Variants in THNSL2 observed in about 807,000 individuals in gnomAD.
THNSL2 encodes threonine synthase-like 2.
Under a neutral mutation model 40.0 loss-of-function variants are expected in THNSL2, and 34 were observed. The observed-to-expected ratio is 0.85, with a 90% CI of 0.65 to 1.13. The LOEUF is 1.13. Ranked by LOEUF, THNSL2 falls within the 50% of genes most tolerant of loss-of-function variation. The pLI is 0.00. For missense variants in THNSL2, 537 were observed against 608.8 expected, an observed-to-expected ratio of 0.88 and a Z score of 1.24; for synonymous variants, 241 against 247.5, an observed-to-expected ratio of 0.97 and a Z score of 0.25.
At chr2:88,172,924 A>G (rs1448662831) in intron 1 of THNSL2, 2 of 376,314 alleles carry the variant, frequency 5.3e-6, no homozygotes, top group Non-Finnish European at 9.4e-6. Flanking sequence ...AGGTCAGTGG[A>G]ATTGCCTCAT....
intron 4 of THNSL2, 39 bp downstream of exon 4, chr2:88,175,440 C>T: frequency 1.2e-6 from 2 of 1,604,350 alleles, no homozygotes; most frequent in Non-Finnish European, 1.7e-6. Flanking sequence ...CAGTGCAGCC[C>T]TGCCTTAATT....
Position 88,173,253 on chromosome 2 carries a change from C to A in THNSL2, c.103C>A (p.Leu35Ile). 1 of 1,612,242 alleles carries A rather than the reference C, an allele frequency of 6.2e-7. No homozygotes were observed. Among genetic ancestry groups the A allele is most frequent in the Non-Finnish European group, 8.5e-7 (1 of 1,179,902 alleles). Residue 35 changes from leucine (L) to isoleucine (I), a missense_variant, in exon 2 of 9, where the codon CTC becomes ATC. Transcript: ENST00000674334. ...CGGGGGCCTCTTTATGCCTGAAGAG[C>A]TCCCACAGTTGGACAGAGGGACCCT... ...PDGGLFMPEE[L>I]PQLDRGTLCQ...
intron 5 of THNSL2, among the ~76,000 whole-genome samples, chr2:88,181,570 TTGCTGTGTGTGTGTG>T (rs1322957761): frequency 7.7e-6 from 1 of 130,316 alleles, no homozygotes; most frequent in Admixed American, 8.6e-5. Flanking sequence ...CCTCTCTCTC[TTGCTGTGTGTGTGTG>T]TGTGTGTGTC....
At chr2:88,173,611 T>C (rs1223526051) in intron 2 of THNSL2, among the ~76,000 whole-genome samples, 1 of 149,830 alleles carries the variant, frequency 6.7e-6, no homozygotes, top group Non-Finnish European at 1.5e-5. Context: ...TCTCTCTCTT[T>C]CTTTCTTTTT....
chr2:88,176,353 A>C (rs1055418528), intron 4 of THNSL2: 13 of 152,178 alleles, frequency 8.5e-5, no homozygotes, highest in African/African-American at 2.9e-4. Flanking sequence ...AGGGATTGAG[A>C]GTGGAGAAAG....
At chr2:88,174,972 C>A in intron 3 of THNSL2, 139 bp downstream of exon 3, 1 of 1,058,206 alleles carries the variant, frequency 9.4e-7, no homozygotes, top group Non-Finnish European at 1.4e-6. Flanking sequence ...TTTTCTGGTG[C>A]CATAGACCCC....
Position 88,185,906 on chromosome 2 carries a change from G to T in THNSL2, c.1238G>T (p.Arg413Leu). The T allele has an allele frequency of 1.2e-6, 2 of 1,602,250 alleles. No homozygotes were observed. The highest frequency in any genetic ancestry group is 1.7e-6 in the Non-Finnish European group (2 of 1,175,058). ...TGCCCCCATCCCCACAGCACTCCCC[G>T]GTGCTGCCTCGCCCCTGCCTCTGCA... is the stretch of plus-strand genomic sequence containing the variant. ...QIDRQQPSTP[R>L]CCLAPASAAK... The change falls in exon 9 of 9, where the codon CGG becomes CTG. Residue 413 changes from arginine to leucine, a missense_variant. Physicochemically the swap from Arg to Leu is moderately radical, Grantham distance 102 (BLOSUM62 -2). Transcript: ENST00000674334.
chr2:88,181,119 T>TC (rs1677513239), intron 5 of THNSL2, among the ~76,000 whole-genome samples: 2 of 32,202 alleles, frequency 6.2e-5, no homozygotes, highest in Non-Finnish European at 1.0e-4. Flanking sequence ...CTCCTCTCTC[T>TC]CTCCTCTCTC....
rs1361229014 is a variant in THNSL2 at position 88,178,850 on chromosome 2, G to A, written c.639G>A (p.Lys213=). 1 of 1,614,088 alleles carries A rather than the reference G, an allele frequency of 6.2e-7. No individual in the cohort carries two copies. Among genetic ancestry groups the A allele is most frequent in the Non-Finnish European group, 8.5e-7 (1 of 1,180,052 alleles). Reference sequence around the variant, plus strand: ...TGTTTGCCGATGTGGCTTTTGTCAAGAAGCACAATCTGATGAGCCTGAATT... The same window carrying A: ...TGTTTGCCGATGTGGCTTTTGTCAAAAAGCACAATCTGATGAGCCTGAATT... ...KTVFADVAFV[K]KHNLMSLNSI... Residue 213 remains lysine, a synonymous_variant, in exon 5 of 9, where the codon AAG becomes AAA. Transcript: ENST00000674334.
chr2:88,178,788 G>A lies in THNSL2; in HGVS notation c.577G>A (p.Gly193Arg). 3 of 1,614,114 alleles carry A rather than the reference G, an allele frequency of 1.9e-6. No individual in the cohort carries two copies. Among genetic ancestry groups the A allele is most frequent in the Non-Finnish European group, 2.5e-6 (3 of 1,180,026 alleles). ...TCTTCTCTCCCCCCTGGCAGTGGAG[G>A]GAAACAGCGATGAGCTCGATGAGCC... ...KQNVHVFGVE[G>R]NSDELDEPIK... The change falls in exon 5 of 9, where the codon GGA becomes AGA. Residue 193 changes from glycine (G) to arginine (R), a missense_variant. By Grantham distance (125) the Gly-to-Arg change is moderately radical. Transcript: ENST00000674334.
intron 7 of THNSL2, among the ~76,000 whole-genome samples, chr2:88,184,467 G>A (rs1481955323): frequency 6.6e-6 from 1 of 152,172 alleles, no homozygotes; most frequent in Non-Finnish European, 1.5e-5. Flanking sequence ...GTAGCTATAT[G>A]AAAATCTATG....
chr2:88,177,875 T>C (rs1033832521), intron 4 of THNSL2, among the ~76,000 whole-genome samples: 1 of 152,242 alleles, frequency 6.6e-6, no homozygotes, highest in African/African-American at 2.4e-5. Context: ...GGCTTGGTCC[T>C]GGCAAAGGAA....
intron 5 of THNSL2, 106 bp downstream of exon 5, chr2:88,179,119 C>A: frequency 8.6e-7 from 1 of 1,163,902 alleles, no homozygotes; most frequent in Non-Finnish European, 1.3e-6. Flanking sequence ...AAGGTGGAGT[C>A]CCAGTTCTGA....
chr2:88,180,010 A>G (rs1396413078), intron 5 of THNSL2, among the ~76,000 whole-genome samples: 1 of 152,234 alleles, frequency 6.6e-6, no homozygotes, highest in Non-Finnish European at 1.5e-5. Context: ...TGCCACTAAC[A>G]GAAGGGTGGA....
At position 88,173,292 on chromosome 2, in the gene THNSL2, A is replaced by G. The variant is rs142011143; in HGVS notation, c.142A>G (p.Thr48Ala). 31 of 1,612,620 alleles carry G rather than the reference A, an allele frequency of 1.9e-5. No individual in the cohort carries two copies. The African/African-American group carries it at 3.9e-4, about 20-fold the overall frequency. ...LDRGTLCQWS[T>A]LSYPGLVKEL... ...CAGAGGGACCCTGTGCCAGTGGAGC[A>G]CACTCTCCTATCCTGGCCTGGTGAA... is the stretch of plus-strand genomic sequence containing the variant. Residue 48 changes from threonine (T) to alanine (A), a missense_variant, in exon 2 of 9, where the codon ACA becomes GCA. Coordinates refer to ENST00000674334, the MANE Select transcript of THNSL2 (RefSeq NM_018271.5).
Position 88,178,962 on chromosome 2 carries a change from C to T in THNSL2, c.751C>T (p.Leu251=), listed in dbSNP as rs775596539. ...TACGCCATCCTTGGACACACATCCC[C>T]TACCCCTGGTGGAGGTGGTTGTGCC... is the stretch of plus-strand genomic sequence containing the variant. The part of the protein sequence containing the change: ...QCTPSLDTHP[L]PLVEVVVPTG... The change falls in exon 5 of 9, where the codon CTA becomes TTA. Residue 251 remains leucine, a synonymous_variant. Transcript: ENST00000674334. 2 of 1,614,118 alleles carry T rather than the reference C, an allele frequency of 1.2e-6. No homozygotes were observed. Among genetic ancestry groups the T allele is most frequent in the African/African-American group, 2.7e-5 (2 of 74,928 alleles).
In THNSL2 at chr2:88,186,226, G is replaced by A. The variant is rs770227194; in HGVS notation, c.*103G>A. 43 of 1,184,958 alleles carry A rather than the reference G, an allele frequency of 3.6e-5. No individual in the cohort carries two copies. Among genetic ancestry groups the A allele is most frequent in the African/African-American group, 6.1e-5 (4 of 65,852 alleles). The allele number at this position is 1,184,958 out of a possible 1,614,324, so 73.4% of individuals were successfully genotyped here. ...ATTAAGCGTAGGTTAGGAGGTTTCC[G>A]GGAGGCTGCTCAGCTGGATCTGGAG... is the stretch of plus-strand genomic sequence containing the variant. On this transcript the variant is annotated 3_prime_UTR_variant, in exon 9 of 9. Transcript: ENST00000674334.
intron 1 of THNSL2, chr2:88,172,201 G>A (rs1676448540): frequency 1.3e-5 from 2 of 152,320 alleles, no homozygotes; most frequent in South Asian, 4.1e-4. Context: ...CCAGAAGAAG[G>A]TGTTCAGAGT....
Position 88,186,267 on chromosome 2 carries a change from C to T in THNSL2, c.*144C>T, listed in dbSNP as rs1678283135. 8.6e-6 allele frequency: 7 copies of T among 813,910 alleles called. No individual in the cohort carries two copies. The highest frequency in any genetic ancestry group is 2.3e-5 in the Admixed American group (1 of 42,644). The allele number at this position is 813,910 out of a possible 1,614,324, so 50.4% of individuals were successfully genotyped here. A position where few individuals can be genotyped will look rare whatever the true frequency, so the allele number is the denominator to read the frequency against. On this transcript the variant is annotated 3_prime_UTR_variant, in exon 9 of 9. Coordinates refer to ENST00000674334, the MANE Select transcript of THNSL2 (RefSeq NM_018271.5). ...GGATCTGGAGCCAGCTGGCTTTGCT[C>T]CGTTCCCTGGCTAGTCTGTGCCTGG...
Sources: allele counts gnomAD v4.1 joint callset (sites outside exome capture counted in the v4.1 genomes callset), GRCh38; gene constraint gnomAD v4.1.1; transcripts MANE v1.5; gene names NCBI Gene and HGNC (gene_info 2026-07-23, HGNC 2026-07-21).